MAST1: variants seen among roughly 807,000 people sequenced by gnomAD.
MAST1 encodes the protein microtubule-associated serine/threonine-protein kinase 1.
In MAST1, 40 loss-of-function variants were observed where a neutral mutation model predicts 124.6. That is an observed-to-expected ratio of 0.32 (90% CI 0.25 to 0.42). The LOEUF is 0.42. Ranked by LOEUF, MAST1 falls within the 10% of genes least tolerant of loss-of-function variation. MAST1 has a pLI of 1.00. For missense variants in MAST1, 1,558 were observed against 2,181.9 expected, an observed-to-expected ratio of 0.71 and a Z score of 5.70; for synonymous variants, 938 against 939.4, an observed-to-expected ratio of 1.00 and a Z score of 0.03.
In MAST1 at chr19:12,868,730, G is replaced by T; in HGVS notation, c.2654G>T (p.Arg885Leu). 3 of 1,613,166 alleles carry T rather than the reference G, an allele frequency of 1.9e-6. No homozygotes were observed. The highest frequency in any genetic ancestry group is 1.7e-6 in the Non-Finnish European group (2 of 1,179,454). Residue 885 changes from arginine to leucine, a missense_variant, in exon 21 of 26, where the codon CGC becomes CTC. By Grantham distance (102) the Arg-to-Leu change is moderately radical. Transcript: ENST00000251472. ...AGGGCTACCAATGACTTGGTTCTGC[G>T]CCGGGCGCGGCACCAGCAGATGTCA... ...GPRATNDLVLRRARHQQMSGD... is the reference protein window; with the variant it reads ...GPRATNDLVLLRARHQQMSGD...
At chr19:12,863,224 T>C (rs1046976275) in intron 12 of MAST1, among the ~76,000 whole-genome samples, 2 of 151,228 alleles carry the variant, frequency 1.3e-5, no homozygotes, top group Non-Finnish European at 2.9e-5. Context: ...CATTTGGCTC[T>C]TGTGGAGAGA....
In MAST1 at chr19:12,852,232, C is replaced by T. The variant is rs372636257; in HGVS notation, c.994C>T (p.Arg332Cys). The T allele has an allele frequency of 2.5e-6, 4 of 1,613,928 alleles. No homozygotes were observed. The highest frequency in any genetic ancestry group is 1.3e-5 in the African/African-American group (1 of 74,946). ...RYIIRQLGLTRDPFPDVVHLE... is the reference protein window; with the variant it reads ...RYIIRQLGLTCDPFPDVVHLE... ...CATCATCCGCCAGCTGGGCCTCACCCGTGACCCCTTTCCAGGTGCCGGCTG... is the reference window on the plus strand; with the variant it reads ...CATCATCCGCCAGCTGGGCCTCACCTGTGACCCCTTTCCAGGTGCCGGCTG... The change falls in exon 9 of 26, where the codon CGT becomes TGT. Residue 332 changes from arginine (R) to cysteine (C), a missense_variant. By Grantham distance (180) the Arg-to-Cys change is radical. Coordinates refer to ENST00000251472, the MANE Select transcript of MAST1 (RefSeq NM_014975.3).
At position 12,843,461 on chromosome 19, in the gene MAST1, C is replaced by G. The variant is rs1226596213; in HGVS notation, c.249-68C>G. On this transcript the variant is annotated intron_variant, in intron 3 of 25. Transcript: ENST00000251472. This position sits in a 1 kb window ranked among gnomAD's most constrained non-coding sequence, Gnocchi z 4.9. Reference sequence around the variant, plus strand: ...ACCCTGGCCCTGGCCAGTGGCTTCACCCACACCCTGAGGAGTTGGGGGACC... The same window carrying G: ...ACCCTGGCCCTGGCCAGTGGCTTCAGCCACACCCTGAGGAGTTGGGGGACC... 7.6e-7 allele frequency: 1 copy of G among 1,322,356 alleles called. No individual in the cohort carries two copies. The highest frequency in any genetic ancestry group is 1.1e-6 in the Non-Finnish European group (1 of 926,022). 81.9% of individuals were successfully genotyped at this position (1,322,356 alleles called of 1,614,324 possible).
chr19:12,863,370 TG>T (rs1243219114), intron 12 of MAST1, among the ~76,000 whole-genome samples: 1 of 152,024 alleles, frequency 6.6e-6, no homozygotes, highest in African/African-American at 2.4e-5. Context: ...TGCAGATTCC[TG>T]GGCCCCACCC....
In MAST1 at chr19:12,865,473, T is replaced by C. The variant is rs1204923490; in HGVS notation, c.1796T>C (p.Val599Ala). The C allele has an allele frequency of 1.9e-6, 3 of 1,582,722 alleles. No individual in the cohort carries two copies. Among genetic ancestry groups the C allele is most frequent in the Non-Finnish European group, 2.6e-6 (3 of 1,165,576 alleles). The change falls in exon 15 of 26, where the codon GTC (valine) becomes GCC (alanine). Residue 599 changes from valine (V) to alanine (A), a missense_variant. Transcript: ENST00000251472. The surrounding 1 kb of genome is among the most constrained non-coding windows in gnomAD (Gnocchi z 7.1). ...GDTPEELFGQ[V>A]ISDDILWPEG... ...ACACCAGAGGAGCTATTTGGACAGG[T>C]CATCAGTGGTACGTGGCTTGGCAGT...
Position 12,864,849 on chromosome 19 carries a change from G to T in MAST1, c.1407G>T (p.Leu469=). The T allele has an allele frequency of 6.2e-7, 1 of 1,614,052 alleles. No individual in the cohort carries two copies. Among genetic ancestry groups the T allele is most frequent in the Non-Finnish European group, 8.5e-7 (1 of 1,180,034 alleles). The part of the protein sequence containing the change: ...CATLLKNIGA[L]PVEMARMYFA... ...CCCTGCTGAAGAATATTGGAGCGCT[G>T]CCCGTAGAGATGGCCCGCATGTACT... The change falls in exon 13 of 26, where the codon CTG becomes CTT. Residue 469 remains leucine (L), a synonymous_variant. Transcript: ENST00000251472.
intron 10 of MAST1, among the ~76,000 whole-genome samples, chr19:12,853,676 T>C (rs886727562): frequency 6.6e-6 from 1 of 152,084 alleles, no homozygotes; most frequent in Non-Finnish European, 1.5e-5. Flanking sequence ...GAAACCAGCC[T>C]GGCCAACATG....
At position 12,843,321 on chromosome 19, in the gene MAST1, T is replaced by C. The variant is rs1466615805; in HGVS notation, c.249-208T>C. The stretch of plus-strand genomic sequence containing the variant: ...AGAGAGGGGACCGTGGGGAGGAGAG[T>C]GGAGACGGATCCTCCCTCCAATTCC... On this transcript the variant is annotated intron_variant, in intron 3 of 25. Transcript: ENST00000251472. This position sits in a 1 kb window ranked among gnomAD's most constrained non-coding sequence, Gnocchi z 4.9. Among the ~76,000 whole-genome samples the C allele has an allele frequency of 6.6e-6, 1 of 150,950 alleles. No individual in the cohort carries two copies. The highest frequency in any genetic ancestry group is 2.4e-5 in the African/African-American group (1 of 40,988).
chr19:12,848,249 C>T (rs1969920914), intron 7 of MAST1, 192 bp downstream of exon 7: 1 of 595,532 alleles, frequency 1.7e-6, no homozygotes, highest in East Asian at 2.8e-5. Context: ...AGGAATTTCA[C>T]CTCGCTCATT....
Position 12,851,958 on chromosome 19 carries a change from G to T in MAST1, c.799G>T (p.Glu267Ter). The change falls in exon 8 of 26, where the codon GAG becomes TAG. Residue 267 changes from glutamate (E) to a stop codon, truncating the protein, a stop_gained. Coordinates refer to ENST00000251472, the MANE Select transcript of MAST1 (RefSeq NM_014975.3). LOFTEE classifies it high-confidence loss of function. ...QDAYERSESLEVAFVTQLVKK... is the reference protein window; with the variant it reads ...QDAYERSESL Reference sequence around the variant, plus strand: ...GGCCTATGAACGCTCTGAGAGCTTGGAGGTGGCCTTCGTTACTCAGCTGGT... The same window carrying T: ...GGCCTATGAACGCTCTGAGAGCTTGTAGGTGGCCTTCGTTACTCAGCTGGT... 6.2e-7 allele frequency: 1 copy of T among 1,614,068 alleles called. No homozygotes were observed. Among genetic ancestry groups the T allele is most frequent in the Non-Finnish European group, 8.5e-7 (1 of 1,180,020 alleles).
intron 4 of MAST1, among the ~76,000 whole-genome samples, chr19:12,846,035 TAGAG>T (rs1172611931): frequency 1.3e-5 from 2 of 151,750 alleles, no homozygotes; most frequent in South Asian, 2.1e-4. Flanking sequence ...CTGGGCAACA[TAGAG>T]AGACCCTGTC....
intron 3 of MAST1, among the ~76,000 whole-genome samples, chr19:12,842,070 T>G (rs1969836383): frequency 6.6e-6 from 1 of 152,096 alleles, no homozygotes; most frequent in African/African-American, 2.4e-5. Flanking sequence ...ATTGTCACTG[T>G]GTGAGGGATT....
At position 12,840,877 on chromosome 19, in the gene MAST1, G is replaced by T. The variant is rs989969016; in HGVS notation, c.173-114G>T. ...GAGAGGCGGGGCCACAGGCGAAGGG[G>T]CGTGGTCTCCCCATAATAGGCGGGA... On this transcript the variant is annotated intron_variant, in intron 2 of 25. Coordinates refer to ENST00000251472, the MANE Select transcript of MAST1 (RefSeq NM_014975.3). 6 of 775,342 alleles carry T rather than the reference G, an allele frequency of 7.7e-6. No individual in the cohort carries two copies. In the South Asian group the frequency reaches 8.1e-5, roughly 11 times the overall value. 48.0% of individuals were successfully genotyped at this position (775,342 alleles called of 1,614,324 possible). A position where few individuals can be genotyped will look rare whatever the true frequency, so the allele number is the denominator to read the frequency against.
chr19:12,864,792 C>T lies in MAST1; in HGVS notation c.1367-17C>T. ...GAATGCCTCCCTTTTTATGCGGGCC[C>T]ATTTCCTGGCCTGCAGGCGGCGACT... is the stretch of plus-strand genomic sequence containing the variant. On this transcript the variant is annotated splice_polypyrimidine_tract_variant and intron_variant, in intron 12 of 25. Transcript: ENST00000251472. 6.2e-7 allele frequency: 1 copy of T among 1,613,352 alleles called. No homozygotes were observed. Among genetic ancestry groups the T allele is most frequent in the Non-Finnish European group, 8.5e-7 (1 of 1,179,940 alleles).
At chr19:12,859,448 G>A (rs1203686350) in intron 12 of MAST1, among the ~76,000 whole-genome samples, 1 of 152,018 alleles carries the variant, frequency 6.6e-6, no homozygotes, top group Non-Finnish European at 1.5e-5. Context: ...ATGTAGTGGT[G>A]CGATCACAGC....
rs1215377185 is a variant in MAST1, at chr19:12,873,763, C to G, written c.3606C>G (p.Ile1202Met). 3 of 1,600,660 alleles carry G rather than the reference C, an allele frequency of 1.9e-6. No homozygotes were observed. Among genetic ancestry groups the G allele is most frequent in the South Asian group, 1.1e-5 (1 of 90,818 alleles). ...RSARCKSAGN[I>M]PLSPLAHTPS... ...CGCGATGCAAGTCGGCCGGCAACAT[C>G]CCTCTATCGCCGCTGGCACACACGC... is the stretch of plus-strand genomic sequence containing the variant. Residue 1202 changes from isoleucine to methionine, a missense_variant, in exon 26 of 26, where the codon ATC becomes ATG. Physicochemically the swap from Ile to Met is conservative, Grantham distance 10 (BLOSUM62 1). Transcript: ENST00000251472.
Position 12,847,512 on chromosome 19 carries a change from GAC to G in MAST1, c.488+63_488+64del, listed in dbSNP as rs1969908436. ...TGGTCTTAGGACTTGTGCTTAGAGA[GAC>G]CCCTGTCCCCGCGAATAAAAGGGTT... is the stretch of plus-strand genomic sequence containing the variant. On this transcript the variant is annotated intron_variant, in intron 5 of 25. Coordinates refer to ENST00000251472, the MANE Select transcript of MAST1 (RefSeq NM_014975.3). The surrounding 1 kb of genome is among the most constrained non-coding windows in gnomAD (Gnocchi z 5.5). The G allele has an allele frequency of 6.2e-7, 1 of 1,610,670 alleles. No individual in the cohort carries two copies.
At position 12,866,728 on chromosome 19, in the gene MAST1, G is replaced by T; in HGVS notation, c.2105G>T (p.Arg702Leu). 6.2e-7 allele frequency: 1 copy of T among 1,613,818 alleles called. No homozygotes were observed. The highest frequency in any genetic ancestry group is 8.5e-7 in the Non-Finnish European group (1 of 1,179,908). The change falls in exon 18 of 26, where the codon CGC becomes CTC. Residue 702 changes from arginine to leucine, a missense_variant. By Grantham distance (102) the Arg-to-Leu change is moderately radical (BLOSUM62 -2). Around this residue, in one of 10 missense-constraint regions of MAST1, gnomAD observed 287 missense variants for 308.0 expected, o/e 0.93. Transcript: ENST00000251472. This position sits in a 1 kb window ranked among gnomAD's most constrained non-coding sequence, Gnocchi z 5.2. ...ACGGAGGAGGAGCCCGTGGAAATCCGCCAGTTCTCTTCCTGCTCTCCGCGC... is the reference window on the plus strand; with the variant it reads ...ACGGAGGAGGAGCCCGTGGAAATCCTCCAGTTCTCTTCCTGCTCTCCGCGC... ...DTTEEEPVEIRQFSSCSPRFS... is the reference protein window; with the variant it reads ...DTTEEEPVEILQFSSCSPRFS...
At position 12,865,071 on chromosome 19, in the gene MAST1, A is replaced by G. The variant is rs570176921; in HGVS notation, c.1531A>G (p.Ile511Val). 13 of 1,614,070 alleles carry G rather than the reference A, an allele frequency of 8.1e-6. 1 individual carries two copies. The highest frequency in any genetic ancestry group is 5.3e-5 in the African/African-American group (4 of 75,034). ...DNLLITSMGH[I>V]KLTDFGLSKM... Reference sequence around the variant, plus strand: ...CCTCCTTATCACCTCCATGGGTCACATCAAGCTCACAGATTTCGGCCTCTC... The same window carrying G: ...CCTCCTTATCACCTCCATGGGTCACGTCAAGCTCACAGATTTCGGCCTCTC... The change falls in exon 14 of 26, where the codon ATC becomes GTC. Residue 511 changes from isoleucine to valine, a missense_variant. Ile to Val is a conservative substitution (Grantham distance 29). Transcript: ENST00000251472. This position sits in a 1 kb window ranked among gnomAD's most constrained non-coding sequence, Gnocchi z 7.1.
Sources: allele counts gnomAD v4.1 joint callset (sites outside exome capture counted in the v4.1 genomes callset), GRCh38; gene constraint gnomAD v4.1.1; regional missense constraint gnomAD v4.1.1; non-coding constraint Gnocchi (gnomAD v3.1); transcripts MANE v1.5; gene names NCBI Gene and HGNC (gene_info 2026-07-23, HGNC 2026-07-21).